The following CUL4A variants were observed in gnomAD, a reference collection of about 807,000 sequenced individuals.
The protein encoded by CUL4A is cullin 4A.
A neutral mutation model predicts 95.5 loss-of-function variants in CUL4A; 16 were observed. The observed-to-expected ratio is 0.17, with a 90% confidence interval of 0.11 to 0.25. The LOEUF (loss-of-function observed/expected upper bound fraction) is 0.25, where lower values mean the gene tolerates loss of function less well. Among genes scored for constraint, CUL4A ranks in the 10% least tolerant of loss-of-function variants. The pLI is 1.00. For synonymous variants in CUL4A, 380 were observed against 353.1 expected (o/e 1.08, Z -0.85); for missense variants, 610 against 937.0 (o/e 0.65, Z 4.56).
intron 3 of CUL4A, among the ~76,000 whole-genome samples, chr13:113,224,276 C>T (rs2041018659): frequency 6.6e-6 from 1 of 152,078 alleles, no homozygotes; most frequent in South Asian, 2.1e-4. Flanking sequence ...TGGCATGAAC[C>T]CGGGAGGCAG....
intron 11 of CUL4A, 150 bp from the exon 12 acceptor site, chr13:113,244,260 G>T: frequency 1.6e-6 from 1 of 623,112 alleles, no homozygotes; most frequent in Non-Finnish European, 2.8e-6. Flanking sequence ...GACTTGAGAA[G>T]TACTTACCTT....
At chr13:113,234,077 C>T (rs1458229138) in intron 7 of CUL4A, 91 bp downstream of exon 7, 1 of 703,656 alleles carries the variant, frequency 1.4e-6, no homozygotes, top group African/African-American at 1.8e-5. Flanking sequence ...TTTTCACACA[C>T]ATGCAAATGT....
chr13:113,218,860 A>T lies in CUL4A; in HGVS notation c.265-85A>T, dbSNP rs527534380. ...GGGTGTGGGGTGCCTTTTTCTTATG[A>T]TTACAGCTATGTTAACAATAGGGTT... is the stretch of plus-strand genomic sequence containing the variant. On this transcript the variant is annotated intron_variant, in intron 2 of 19. Transcript: ENST00000375440. 9 of 880,078 alleles carry T rather than the reference A, an allele frequency of 1.0e-5. No homozygotes were observed. The South Asian group carries it at 1.5e-4, about 15-fold the overall frequency. The allele number at this position is 880,078 out of a possible 1,614,324, so 54.5% of individuals were successfully genotyped here.
At chr13:113,238,277 CA>C in intron 9 of CUL4A, among the ~76,000 whole-genome samples, 1 of 151,778 alleles carries the variant, frequency 6.6e-6, no homozygotes, top group South Asian at 2.1e-4. Flanking sequence ...CTGTCTCTAC[CA>C]AAAAAATAAA....
At chr13:113,227,578 T>A (rs773986724) in intron 3 of CUL4A, among the ~76,000 whole-genome samples, 5 of 152,202 alleles carry the variant, frequency 3.3e-5, no homozygotes, top group Non-Finnish European at 5.9e-5. Flanking sequence ...TGTGTAGTAT[T>A]CAGTGGAGAA....
At position 113,209,965 on chromosome 13, in the gene CUL4A, C is replaced by A; in HGVS notation, c.149-8C>A. ...CCCTGAGCCGCCCGCTCTCCCTCCG[C>A]CCTGCAGACAGACCTCGGCTGCCCG... On this transcript the variant is annotated splice_region_variant and splice_polypyrimidine_tract_variant and intron_variant, in intron 1 of 19. Coordinates refer to ENST00000375440, the MANE Select transcript of CUL4A (RefSeq NM_001008895.4). 2.7e-6 allele frequency: 4 copies of A among 1,501,974 alleles called. No individual in the cohort carries two copies. The highest frequency in any genetic ancestry group is 3.5e-6 in the Non-Finnish European group (4 of 1,126,866). The allele number at this position is 1,501,974 out of a possible 1,614,324, so 93.0% of individuals were successfully genotyped here.
intron 2 of CUL4A, among the ~76,000 whole-genome samples, chr13:113,211,671 C>T (rs2040451250): frequency 6.6e-6 from 1 of 152,212 alleles, no homozygotes; most frequent in Non-Finnish European, 1.5e-5. Context: ...CAGCATAAGC[C>T]ACCGCGCCTG....
chr13:113,228,128 T>C, intron 4 of CUL4A, 83 bp downstream of exon 4: 1 of 1,053,572 alleles, frequency 9.5e-7, no homozygotes, highest in East Asian at 2.4e-5. Flanking sequence ...ACATAGAAGT[T>C]CTGTTGAGGA....
At chr13:113,227,922 A>AT in intron 3 of CUL4A, 54 bp from the exon 4 acceptor site, 89 of 1,137,718 alleles carry the variant, frequency 7.8e-5, no homozygotes, top group Non-Finnish European at 1.1e-4. Context: ...AAAAAAAAAA[A>AT]GGTAATAATT....
chr13:113,257,858 C>T (rs1184761412), intron 18 of CUL4A, among the ~76,000 whole-genome samples: 2 of 152,152 alleles, frequency 1.3e-5, no homozygotes, highest in African/African-American at 4.8e-5. Flanking sequence ...TGAAAACAGT[C>T]TAACTGCCCC....
intron 15 of CUL4A, among the ~76,000 whole-genome samples, chr13:113,251,811 C>T (rs2042001486): frequency 6.6e-6 from 1 of 152,160 alleles, no homozygotes; most frequent in Non-Finnish European, 1.5e-5. Context: ...ATAAATTACC[C>T]AGTGTCAGGT....
At chr13:113,216,640 C>T (rs1410288580) in intron 2 of CUL4A, among the ~76,000 whole-genome samples, 1 of 152,146 alleles carries the variant, frequency 6.6e-6, no homozygotes, top group Non-Finnish European at 1.5e-5. Flanking sequence ...CACACAGTAC[C>T]ATCTGATTAG....
intron 5 of CUL4A, among the ~76,000 whole-genome samples, chr13:113,232,192 ACCACTAC>A (rs2041362939): frequency 3.2e-5 from 1 of 31,052 alleles, no homozygotes; most frequent in African/African-American, 1.6e-4. Context: ...TACTGCTGCC[ACCACTAC>A]CCGCCCACCA....
chr13:113,256,112 G>A lies in CUL4A; in HGVS notation c.2031+987G>A, dbSNP rs952643311. On this transcript the variant is annotated intron_variant, in intron 18 of 19. Transcript: ENST00000375440. Reference sequence around the variant, plus strand: ...CTACTCGGGAGGGTCGCTTGATCCCGGGAGTTTGAGGCCAGCCTGAGCAAT... The same window carrying A: ...CTACTCGGGAGGGTCGCTTGATCCCAGGAGTTTGAGGCCAGCCTGAGCAAT... Among the ~76,000 whole-genome samples the A allele has an allele frequency of 5.3e-5, 8 of 151,986 alleles. No homozygotes were observed. The South Asian group carries it at 6.2e-4, about 12-fold the overall frequency.
At chr13:113,227,863 G>A (rs1274928895) in intron 3 of CUL4A, 113 bp from the exon 4 acceptor site, 12 of 583,368 alleles carry the variant, frequency 2.1e-5, no homozygotes, top group South Asian at 5.9e-5. Flanking sequence ...AGCTAAGATC[G>A]TGCCACTGCA....
chr13:113,259,277 A>G (rs76431029), intron 18 of CUL4A, among the ~76,000 whole-genome samples: 2,592 of 152,244 alleles, frequency 0.017, 88 homozygotes, highest in African/African-American at 0.06. Flanking sequence ...GAGCTTCCTA[A>G]TTTTATCTCT....
chr13:113,226,945 C>G (rs538495851), intron 3 of CUL4A, among the ~76,000 whole-genome samples: 110 of 152,288 alleles, frequency 7.2e-4, no homozygotes, highest in African/African-American at 2.5e-3. Context: ...AGTGTCTGCC[C>G]TTTGTGAAGT....
Position 113,211,821 on chromosome 13 carries a change from A to G in CUL4A, c.264+1733A>G, listed in dbSNP as rs1328071950. Among the ~76,000 whole-genome samples, 8 of 152,344 alleles carry G rather than the reference A, an allele frequency of 5.3e-5. No individual in the cohort carries two copies. In the East Asian group the frequency reaches 5.8e-4, roughly 11 times the overall value. On this transcript the variant is annotated intron_variant, in intron 2 of 19. Coordinates refer to ENST00000375440, the MANE Select transcript of CUL4A (RefSeq NM_001008895.4). ...GTTCTCAGGGTCATATGGAAAATGT[A>G]TGTTTAACTTTGTACGGAATTTCTT...
chr13:113,240,846 G>C (rs922627300), intron 10 of CUL4A, among the ~76,000 whole-genome samples: 1 of 152,128 alleles, frequency 6.6e-6, no homozygotes, highest in South Asian at 2.1e-4. Flanking sequence ...AGACGGGTGC[G>C]CTGCCATGTC....
Sources: allele counts gnomAD v4.1 joint callset (sites outside exome capture counted in the v4.1 genomes callset), GRCh38; gene constraint gnomAD v4.1.1; transcripts MANE v1.5; gene names NCBI Gene and HGNC (gene_info 2026-07-23, HGNC 2026-07-21).